Variants in MRO observed in about 807,000 individuals in gnomAD.
The protein encoded by MRO is protein maestro.
Under a neutral mutation model 31.0 loss-of-function variants are expected in MRO, and 28 were observed. That is an observed-to-expected ratio of 0.90 (90% CI 0.67 to 1.24). The LOEUF (loss-of-function observed/expected upper bound fraction) is 1.24. Among genes scored for constraint, MRO ranks in the 50% most tolerant of loss-of-function variants. The pLI is 0.00. For missense variants in MRO, 332 were observed against 289.2 expected (o/e 1.15, Z -1.07); for synonymous variants, 108 against 108.4 (o/e 1.00, Z 0.02).
intron 2 of MRO, chr18:50,815,215 A>T: frequency 4.9e-6 from 1 of 203,138 alleles, no homozygotes; most frequent in East Asian, 1.1e-4. Context: ...TGAAGTAAAA[A>T]GTGTCCTTTC....
At chr18:50,823,083 A>T (rs1915368386), upstream of MRO, among the ~76,000 whole-genome samples, 1 of 152,070 alleles carries the variant, frequency 6.6e-6, no homozygotes. Flanking sequence ...AGAGAGGCAT[A>T]TGAGAAATGC....
intron 2 of MRO, among the ~76,000 whole-genome samples, chr18:50,812,123 C>T (rs1914530434): frequency 6.6e-6 from 1 of 152,140 alleles, no homozygotes; most frequent in Non-Finnish European, 1.5e-5. Flanking sequence ...ACATACCCAC[C>T]AGCAACGTAT....
chr18:50,799,593 A>C (rs934950501), intron 7 of MRO, among the ~76,000 whole-genome samples: 1 of 152,196 alleles, frequency 6.6e-6, no homozygotes, highest in Non-Finnish European at 1.5e-5. Flanking sequence ...TTTACATTGT[A>C]TGATGGGTCA....
At position 50,799,250 on chromosome 18, in the gene MRO, G is replaced by A; in HGVS notation, c.*87C>T. 1 of 1,190,434 alleles carries A rather than the reference G, an allele frequency of 8.4e-7. No homozygotes were observed. The highest frequency in any genetic ancestry group is 1.3e-6 in the Non-Finnish European group (1 of 797,462). The allele number at this position is 1,190,434 out of a possible 1,614,324, so 73.7% of individuals were successfully genotyped here. A position where few individuals can be genotyped will look rare whatever the true frequency, so the allele number is the denominator to read the frequency against. The stretch of plus-strand genomic sequence containing the variant: ...ATTACAATCCCAAGAGGCAAGCAGT[G>A]AGAAGAGGCATCCAGTGAGATAAAA... On this transcript the variant is annotated 3_prime_UTR_variant, in exon 8 of 8. Transcript: ENST00000398439.
intron 2 of MRO, among the ~76,000 whole-genome samples, chr18:50,819,281 G>T (rs7230138): frequency 0.43 from 64,854 of 151,908 alleles, 13,923 homozygotes; most frequent in South Asian, 0.55. Context: ...AGACATTTCA[G>T]TTTAAAGTGT....
At chr18:50,814,572 T>A (rs1292628216) in intron 2 of MRO, 1 of 210,020 alleles carries the variant, frequency 4.8e-6, no homozygotes, top group Non-Finnish European at 1.0e-5. Context: ...CTTACGCTCA[T>A]GCAGCAAAGT....
chr18:50,819,674 C>G lies in MRO; in HGVS notation c.-98G>C, dbSNP rs527526382. ...CCCGGGTAGTAGCCAAATGTGATGA[C>G]TCGGCTAAATTTTCCCAGCCCTGAA... is the stretch of plus-strand genomic sequence containing the variant. On this transcript the variant is annotated 5_prime_UTR_variant, in exon 2 of 8. Transcript: ENST00000398439. 3.4e-5 allele frequency: 52 copies of G among 1,551,142 alleles called. No individual in the cohort carries two copies. In the South Asian group the frequency reaches 5.8e-4, roughly 17 times the overall value.
At chr18:50,822,284 T>TTTAGACAGGAG (rs1440612905), upstream of MRO, among the ~76,000 whole-genome samples, 2 of 71,800 alleles carry the variant, frequency 2.8e-5, no homozygotes, top group South Asian at 4.1e-4. Context: ...ATTCACCTTG[T>TTTAGACAGGAG]ATGTGAATTA....
At chr18:50,801,797 T>C (rs1021420763) in intron 5 of MRO, among the ~76,000 whole-genome samples, 1 of 152,168 alleles carries the variant, frequency 6.6e-6, no homozygotes, top group Non-Finnish European at 1.5e-5. Flanking sequence ...CCTTCCCAGA[T>C]TTTTTGTTCG....
At chr18:50,818,415 G>A (rs1451430280) in intron 2 of MRO, among the ~76,000 whole-genome samples, 1 of 152,138 alleles carries the variant, frequency 6.6e-6, no homozygotes, top group Non-Finnish European at 1.5e-5. Context: ...ACCCCTGAGT[G>A]AGCTATGTGC....
At chr18:50,817,875 C>T (rs563170496) in intron 2 of MRO, among the ~76,000 whole-genome samples, 11 of 152,092 alleles carry the variant, frequency 7.2e-5, no homozygotes, top group South Asian at 4.1e-4. Flanking sequence ...TTCTAGGATG[C>T]TATTCTTCAG....
chr18:50,819,447 C>A, intron 2 of MRO, 134 bp downstream of exon 2: 1 of 1,440,812 alleles, frequency 6.9e-7, no homozygotes, highest in African/African-American at 1.4e-5. Flanking sequence ...GAGAACATTA[C>A]CAAATCCTAC....
Position 50,801,473 on chromosome 18 carries a change from A to G in MRO, c.461T>C (p.Val154Ala), listed in dbSNP as rs1913311264. 4 of 1,609,932 alleles carry G rather than the reference A, an allele frequency of 2.5e-6. No individual in the cohort carries two copies. Among genetic ancestry groups the G allele is most frequent in the Non-Finnish European group, 3.4e-6 (4 of 1,178,202 alleles). ...AAAGGCAGCCAATTGCCCAAACAAA[A>G]CAAAGGCCGAGTATCTCAGACTGTC... The part of the protein sequence containing the change: ...ENDSLRYSAF[V>A]LFGQLAAFAG... The change falls in exon 6 of 8, where the codon GTT (valine) becomes GCT (alanine). Residue 154 changes from valine to alanine, a missense_variant. Transcript: ENST00000398439.
At chr18:50,817,114 C>T (rs546738570) in intron 2 of MRO, among the ~76,000 whole-genome samples, 19 of 152,274 alleles carry the variant, frequency 1.2e-4, no homozygotes, top group Admixed American at 9.8e-4. Context: ...CTGAGTGGCT[C>T]CACCTGGAAG....
rs1395909323 is a variant in MRO at position 50,805,571 on chromosome 18, G to A, written c.247-235C>T. 4.6e-5 allele frequency among the ~76,000 whole-genome samples: 7 copies of A among 152,250 alleles called. No individual in the cohort carries two copies. In the South Asian group the frequency reaches 1.4e-3, roughly 32 times the overall value. On this transcript the variant is annotated intron_variant, in intron 4 of 7. Coordinates refer to ENST00000398439, the MANE Select transcript of MRO (RefSeq NM_031939.6). ...GCAATCTGGAGTGTGGCATGTGGGT[G>A]GGTGAGGCTCAGTGGGGCTCTTCAA...
chr18:50,809,230 G>T, intron 3 of MRO, 72 bp downstream of exon 3: 2 of 1,116,398 alleles, frequency 1.8e-6, no homozygotes, highest in Non-Finnish European at 2.6e-6. Flanking sequence ...ACTAACCACA[G>T]ACCAAGCAAA....
exon 1 of MRO, chr18:50,825,334 C>G (rs766037469): frequency 1.3e-5 from 2 of 152,190 alleles, no homozygotes; most frequent in Non-Finnish European, 2.9e-5. Context: ...AGGAGCCCAG[C>G]GTGGCTAGCT....
intron 2 of MRO, among the ~76,000 whole-genome samples, chr18:50,812,620 C>A (rs1277319661): frequency 6.6e-6 from 1 of 152,078 alleles, no homozygotes; most frequent in Non-Finnish European, 1.5e-5. Flanking sequence ...CCTATATGTT[C>A]TTTTAAGCGT....
chr18:50,799,340 C>G lies in MRO; in HGVS notation c.744G>C (p.Leu248=), dbSNP rs1289568088. The change falls in exon 8 of 8, where the codon CTG becomes CTC. Residue 248 remains leucine (L), a synonymous_variant. Coordinates refer to ENST00000398439, the MANE Select transcript of MRO (RefSeq NM_031939.6). ...CCATTTCCCTGCTGCTCTGCGCTTA[C>G]AGAATTTTATTTGCGTAGAAGAACT... ...ILQFFYANKI[L] 6.2e-7 allele frequency: 1 copy of G among 1,613,630 alleles called. No homozygotes were observed. Among genetic ancestry groups the G allele is most frequent in the Admixed American group, 1.7e-5 (1 of 59,996 alleles).
Sources: gnomAD v4.1 joint callset for allele counts (sites outside exome capture counted in the v4.1 genomes callset) on GRCh38, gnomAD v4.1.1 for gene constraint, MANE v1.5 for transcripts, NCBI Gene and HGNC (gene_info 2026-07-23, HGNC 2026-07-21) for gene names.